The following RARS2 variants were observed in gnomAD, a reference collection of about 807,000 sequenced individuals.
The protein encoded by RARS2 is probable arginine--tRNA ligase, mitochondrial.
Under a neutral mutation model 88.5 loss-of-function variants are expected in RARS2, and 67 were observed. The observed-to-expected ratio is 0.76, with a 90% CI of 0.62 to 0.93. The LOEUF (loss-of-function observed/expected upper bound fraction) is 0.93, where lower values mean the gene tolerates loss of function less well. RARS2 is among the 40% of genes least tolerant of loss of function. RARS2 has a pLI of 0.00. For missense variants in RARS2, 664 were observed against 684.2 expected (o/e 0.97, Z 0.33); for synonymous variants, 239 against 230.3 (o/e 1.04, Z -0.34).
chr6:87,523,100 G>A (rs1015542312), intron 11 of RARS2, among the ~76,000 whole-genome samples: 3 of 152,114 alleles, frequency 2.0e-5, no homozygotes, highest in Non-Finnish European at 4.4e-5. Context: ...TCACAAAAAT[G>A]ATGTCACAAA....
At chr6:87,524,195 G>A (rs1259112726) in intron 11 of RARS2, among the ~76,000 whole-genome samples, 1 of 152,082 alleles carries the variant, frequency 6.6e-6, no homozygotes, top group African/African-American at 2.4e-5. Flanking sequence ...GATGAACAGA[G>A]ATTGGCCCTT....
intron 2 of RARS2, chr6:87,564,525 C>T (rs1042010572): frequency 1.0e-5 from 4 of 387,172 alleles, no homozygotes; most frequent in African/African-American, 8.3e-5. Flanking sequence ...AAAAATTAGC[C>T]AGGCATGGTG....
Position 87,514,962 on chromosome 6 carries a change from C to T in RARS2, c.1645G>A (p.Ala549Thr). 2.5e-6 allele frequency: 4 copies of T among 1,610,780 alleles called. No homozygotes were observed. Among genetic ancestry groups the T allele is most frequent in the Non-Finnish European group, 3.4e-6 (4 of 1,177,010 alleles). ...LQIKDSPPEV[A>T]GARLHLFKAV... The stretch of plus-strand genomic sequence containing the variant: ...AAACATTCAACATAACGTACCCCAG[C>T]CACTTCAGGAGGACTATCTTTTATT... Residue 549 changes from alanine (A) to threonine (T), a missense_variant, in exon 19 of 20, where the codon GCT (alanine) becomes ACT (threonine). Coordinates refer to ENST00000369536, the MANE Select transcript of RARS2 (RefSeq NM_020320.5).
chr6:87,528,993 T>TCATCAATTA (rs1187684165), intron 10 of RARS2, among the ~76,000 whole-genome samples: 1 of 152,180 alleles, frequency 6.6e-6, no homozygotes, highest in Non-Finnish European at 1.5e-5. Flanking sequence ...AATATGTCAT[T>TCATCAATTA]CATCAATTAC....
intron 19 of RARS2, 97 bp from the exon 20 acceptor site, chr6:87,514,596 G>A: frequency 9.1e-7 from 1 of 1,102,368 alleles, no homozygotes; most frequent in Non-Finnish European, 1.4e-6. Flanking sequence ...CTAGTTTAAA[G>A]CAGGAACAAT....
In RARS2 at chr6:87,518,234, C is replaced by G. The variant is rs151286683; in HGVS notation, c.1446G>C (p.Leu482=). The G allele has an allele frequency of 1.2e-6, 2 of 1,614,028 alleles. No homozygotes were observed. The highest frequency in any genetic ancestry group is 1.7e-6 in the Non-Finnish European group (2 of 1,180,016). The part of the protein sequence containing the change: ...SLEETFGCGY[L]NDFNTACLQE... ...GTAAACAAGCAGTGTTGAAGTCATT[C>G]AGGTACCCACATCCAAAAGTCTCTT... Residue 482 remains leucine (L), a synonymous_variant, in exon 17 of 20, where the codon CTG becomes CTC. Transcript: ENST00000369536.
intron 4 of RARS2, among the ~76,000 whole-genome samples, chr6:87,558,922 G>A (rs989419771): frequency 9.2e-5 from 14 of 152,220 alleles, no homozygotes; most frequent in African/African-American, 3.4e-4. Flanking sequence ...TGTCATCATA[G>A]GAGATGACAG....
intron 10 of RARS2, among the ~76,000 whole-genome samples, chr6:87,528,510 C>T (rs554784061): frequency 7.9e-5 from 12 of 152,262 alleles, no homozygotes; most frequent in African/African-American, 2.9e-4. Flanking sequence ...GTGAATCAAC[C>T]TTAATAGATG....
chr6:87,586,043 T>C (rs1052118302), intron 1 of RARS2, among the ~76,000 whole-genome samples: 2 of 152,150 alleles, frequency 1.3e-5, no homozygotes, highest in Non-Finnish European at 2.9e-5. Context: ...TAGAGACTCG[T>C]GCAACAAAGA....
chr6:87,532,444 T>C (rs1051123782), intron 8 of RARS2, among the ~76,000 whole-genome samples: 3 of 152,180 alleles, frequency 2.0e-5, no homozygotes, highest in African/African-American at 7.2e-5. Flanking sequence ...TTTAGGACAT[T>C]CTAAGCAGAG....
chr6:87,545,635 G>T lies in RARS2; in HGVS notation c.516C>A (p.Gly172=). The T allele has an allele frequency of 6.2e-7, 1 of 1,613,510 alleles. No individual in the cohort carries two copies. The highest frequency in any genetic ancestry group is 8.5e-7 in the Non-Finnish European group (1 of 1,179,816). Residue 172 remains glycine (G), a synonymous_variant, in exon 7 of 20, where the codon GGC becomes GGA. Coordinates refer to ENST00000369536, the MANE Select transcript of RARS2 (RefSeq NM_020320.5). ...ACTTACCAAACTGCATGCCCCAATC[G>T]CCAAGGTAATTTATTCTTATTACTT... ...GHQVIRINYL[G]DWGMQFGLLG...
chr6:87,556,353 C>G (rs1785875792), intron 4 of RARS2, among the ~76,000 whole-genome samples: 1 of 152,054 alleles, frequency 6.6e-6, no homozygotes, highest in Admixed American at 6.6e-5. Flanking sequence ...GTCTCCCAGG[C>G]TGAGTGCAGT....
intron 2 of RARS2, among the ~76,000 whole-genome samples, chr6:87,569,077 C>T (rs1004919355): frequency 7.2e-5 from 11 of 152,144 alleles, no homozygotes; most frequent in Non-Finnish European, 1.6e-4. Flanking sequence ...CAAAAGGAAA[C>T]TCAATAAACA....
At chr6:87,580,750 A>C (rs1773237714) in intron 1 of RARS2, among the ~76,000 whole-genome samples, 1 of 151,878 alleles carries the variant, frequency 6.6e-6, no homozygotes, top group Admixed American at 6.6e-5. Flanking sequence ...TGGCCACTGC[A>C]CCTGGCCTTT....
chr6:87,516,898 C>A lies in RARS2; in HGVS notation c.1512-18G>T. 6.2e-7 allele frequency: 1 copy of A among 1,613,134 alleles called. No homozygotes were observed. The highest frequency in any genetic ancestry group is 8.5e-7 in the Non-Finnish European group (1 of 1,179,434). On this transcript the variant is annotated intron_variant, in intron 17 of 19. Coordinates refer to ENST00000369536, the MANE Select transcript of RARS2 (RefSeq NM_020320.5). ...CGTCGAACCTAAAAGATGACAGGAA[C>A]AGTGAACAGGAAAAGACTGTACACA...
chr6:87,568,771 A>G lies in RARS2; in HGVS notation c.110+746T>C, dbSNP rs377499783. ...CTATTCTGAGAAGAATATTCATTCT[A>G]CTCTTAAAGTCCTGACAAAGTTAAG... On this transcript the variant is annotated intron_variant, in intron 2 of 19. Transcript: ENST00000369536. Among the ~76,000 whole-genome samples, 12 of 152,268 alleles carry G rather than the reference A, an allele frequency of 7.9e-5. No homozygotes were observed. In the East Asian group the frequency reaches 1.5e-3, roughly 20 times the overall value.
chr6:87,573,568 T>C (rs1169387499), intron 1 of RARS2, among the ~76,000 whole-genome samples: 2 of 152,198 alleles, frequency 1.3e-5, no homozygotes, highest in Admixed American at 6.5e-5. Context: ...AGATGAAAAC[T>C]GTTCCGCAGA....
chr6:87,567,353 A>C (rs904140926), intron 2 of RARS2, among the ~76,000 whole-genome samples: 2 of 152,238 alleles, frequency 1.3e-5, no homozygotes, highest in African/African-American at 4.8e-5. Context: ...TTTATACTTA[A>C]AAAAGTTTAA....
rs943600510 is a variant in RARS2, at chr6:87,556,979, G to C, written c.298-1474C>G. Among the ~76,000 whole-genome samples the C allele has an allele frequency of 1.2e-4, 18 of 151,790 alleles. 1 individual carries two copies. Among genetic ancestry groups the C allele is most frequent in the Admixed American group, 1.1e-3 (17 of 15,212 alleles). On this transcript the variant is annotated intron_variant, in intron 4 of 19. Coordinates refer to ENST00000369536, the MANE Select transcript of RARS2 (RefSeq NM_020320.5). ...AAAATGCATCTTGAGTCTTAAAAATGTGGTTTATGTTGTGAAAAATTTTAT... is the reference window on the plus strand; with the variant it reads ...AAAATGCATCTTGAGTCTTAAAAATCTGGTTTATGTTGTGAAAAATTTTAT...
Sources: gnomAD v4.1 joint callset for allele counts (sites outside exome capture counted in the v4.1 genomes callset) on GRCh38, gnomAD v4.1.1 for gene constraint, MANE v1.5 for transcripts, NCBI Gene and HGNC (gene_info 2026-07-23, HGNC 2026-07-21) for gene names.